Variants in GALK2 observed in about 807,000 individuals in gnomAD.
The protein encoded by GALK2 is galactokinase 2, also known as N-acetylgalactosamine kinase.
A neutral mutation model predicts 52.4 loss-of-function variants in GALK2; 36 were observed. That is an observed-to-expected ratio of 0.69 (90% CI 0.53 to 0.91). The LOEUF (loss-of-function observed/expected upper bound fraction) is 0.91. Among genes scored for constraint, GALK2 ranks in the 40% least tolerant of loss-of-function variants. GALK2 has a pLI of 0.00. For missense variants in GALK2, 579 were observed against 559.1 expected (o/e 1.04, Z -0.36); for synonymous variants, 176 against 199.1 (o/e 0.88, Z 0.98).
At position 49,329,264 on chromosome 15, in the gene GALK2, T is replaced by A; in HGVS notation, c.*1105T>A. 1 of 985,454 alleles carries A rather than the reference T, an allele frequency of 1.0e-6. No homozygotes were observed. Among genetic ancestry groups the A allele is most frequent in the Non-Finnish European group, 1.2e-6 (1 of 829,960 alleles). The allele number at this position is 985,454 out of a possible 1,614,324, so 61.0% of individuals were successfully genotyped here. ...GTATATCAAGAGTGGGCAGAAATGT[T>A]TGGCTGGTGATGGCAAATGACTGGC... On this transcript the variant is annotated 3_prime_UTR_variant, in exon 10 of 10. Coordinates refer to ENST00000560031, the MANE Select transcript of GALK2 (RefSeq NM_002044.4).
intron 8 of GALK2, among the ~76,000 whole-genome samples, chr15:49,300,090 A>G (rs566856690): frequency 6.6e-6 from 1 of 151,996 alleles, no homozygotes; most frequent in Admixed American, 6.6e-5. Context: ...GTGGGTCTCT[A>G]AGAACTTGGT....
At chr15:49,188,478 A>G (rs529027127) in intron 1 of GALK2, among the ~76,000 whole-genome samples, 3 of 152,356 alleles carry the variant, frequency 2.0e-5, no homozygotes, top group African/African-American at 7.2e-5. Context: ...TCTCCATGCT[A>G]CATGGCCACC....
chr15:49,174,789 T>A (rs2085332299), intron 1 of GALK2, among the ~76,000 whole-genome samples: 1 of 152,208 alleles, frequency 6.6e-6, no homozygotes, highest in African/African-American at 2.4e-5. Context: ...CATTTTATAA[T>A]TTATGCATTG....
intron 3 of GALK2, among the ~76,000 whole-genome samples, chr15:49,230,629 T>A (rs957770615): frequency 2.6e-5 from 4 of 152,222 alleles, no homozygotes; most frequent in Non-Finnish European, 5.9e-5. Context: ...TTTTTGATGC[T>A]ACTCTTATTA....
intron 9 of GALK2, among the ~76,000 whole-genome samples, chr15:49,322,960 TA>T (rs548865053): frequency 2.5e-3 from 170 of 68,134 alleles, no homozygotes; most frequent in East Asian, 7.6e-3. Context: ...CCATCTCAGG[TA>T]AAAAAAAAAA....
At chr15:49,352,330 C>G (rs2042372411) in intron 3 of GALK2, among the ~76,000 whole-genome samples, 1 of 152,200 alleles carries the variant, frequency 6.6e-6, no homozygotes, top group Non-Finnish European at 1.5e-5. Flanking sequence ...GATGCTATCT[C>G]TTGATGGAAG....
At chr15:49,352,816 G>A (rs1052418294) in intron 3 of GALK2, among the ~76,000 whole-genome samples, 1 of 152,036 alleles carries the variant, frequency 6.6e-6, no homozygotes, top group African/African-American at 2.4e-5. Context: ...TCCCTATCTT[G>A]CAAAGCCTGC....
chr15:49,168,128 T>A (rs2141162037), upstream of GALK2, among the ~76,000 whole-genome samples: 1 of 152,340 alleles, frequency 6.6e-6, no homozygotes, highest in South Asian at 2.1e-4. Flanking sequence ...AAAGGATGCT[T>A]TACTAATTGC....
chr15:49,299,755 CTTTCTTTCTTTCTTT>C (rs2034885360), intron 8 of GALK2, among the ~76,000 whole-genome samples: 1 of 124,604 alleles, frequency 8.0e-6, no homozygotes, highest in African/African-American at 3.2e-5. Flanking sequence ...TTCTTTCTTT[CTTTCTTTCTTTCTTT>C]CTTTCTTTCT....
In GALK2 at chr15:49,299,482, TATTA is replaced by T. The variant is rs1300683458; in HGVS notation, c.967+6949_967+6952del. 3.9e-5 allele frequency among the ~76,000 whole-genome samples: 6 copies of T among 152,152 alleles called. No homozygotes were observed. In the South Asian group the frequency reaches 6.2e-4, roughly 16 times the overall value. On this transcript the variant is annotated intron_variant, in intron 8 of 9. Transcript: ENST00000560031. ...AGTTCCTTTAGGTGTGATGTTTGGT[TATTA>T]ATTTGAGATCTTTCTAATGTTTTGA...
chr15:49,183,649 G>C lies in GALK2; in HGVS notation c.53+13274G>C, dbSNP rs376158228. On this transcript the variant is annotated intron_variant, in intron 1 of 9. Transcript: ENST00000560031. ...ACTTGAGGTCGGGAGTTTGAGACCA[G>C]CCTGACCAACGTGGAGAAACCCTGA... Among the ~76,000 whole-genome samples, 104 of 152,284 alleles carry C rather than the reference G, an allele frequency of 6.8e-4. 1 individual carries two copies. In the South Asian group the frequency reaches 8.7e-3, roughly 13 times the overall value.
chr15:49,263,717 C>T (rs2092237273), intron 5 of GALK2, among the ~76,000 whole-genome samples: 1 of 128,284 alleles, frequency 7.8e-6, no homozygotes, highest in African/African-American at 3.2e-5. Flanking sequence ...CTGGTTGTTC[C>T]TTTCCATGTT....
intron 3 of GALK2, among the ~76,000 whole-genome samples, chr15:49,232,870 C>G (rs531744531): frequency 6.6e-6 from 1 of 152,178 alleles, no homozygotes; most frequent in Non-Finnish European, 1.5e-5. Flanking sequence ...ATTTCATTGT[C>G]CATATCACTA....
At chr15:49,289,128 T>G (rs2033676128) in intron 7 of GALK2, among the ~76,000 whole-genome samples, 1 of 152,236 alleles carries the variant, frequency 6.6e-6, no homozygotes, top group Admixed American at 6.5e-5. Context: ...AAATGTAGTT[T>G]TAATTTAACC....
intron 3 of GALK2, among the ~76,000 whole-genome samples, chr15:49,220,076 T>TA (rs2089680502): frequency 6.6e-6 from 1 of 150,664 alleles, no homozygotes; most frequent in Non-Finnish European, 1.5e-5. Context: ...TTTTTTTTTT[T>TA]TTGAGACAGA....
chr15:49,228,081 T>C (rs1400864784), intron 3 of GALK2, among the ~76,000 whole-genome samples: 4 of 152,190 alleles, frequency 2.6e-5, no homozygotes, highest in Non-Finnish European at 5.9e-5. Flanking sequence ...TGCTGAGAAA[T>C]CCACTGTTGT....
At chr15:49,367,417 T>A in intron 3 of GALK2, 2 of 1,497,588 alleles carry the variant, frequency 1.3e-6, no homozygotes, top group Non-Finnish European at 1.8e-6. Flanking sequence ...TTGAAAGAAA[T>A]TATATTAAAG....
intron 5 of GALK2, among the ~76,000 whole-genome samples, chr15:49,277,973 G>A (rs2032105545): frequency 1.3e-5 from 2 of 151,658 alleles, no homozygotes; most frequent in Non-Finnish European, 2.9e-5. Flanking sequence ...GCTTTAAATC[G>A]GGCATAGGGC....
chr15:49,323,776 T>C (rs1313671223), intron 9 of GALK2, among the ~76,000 whole-genome samples: 1 of 152,158 alleles, frequency 6.6e-6, no homozygotes, highest in Non-Finnish European at 1.5e-5. Context: ...TTGAACCTTT[T>C]CCTGCTCTTC....
Sources: gnomAD v4.1 joint callset for allele counts (sites outside exome capture counted in the v4.1 genomes callset) on GRCh38, gnomAD v4.1.1 for gene constraint, MANE v1.5 for transcripts, NCBI Gene and HGNC (gene_info 2026-07-23, HGNC 2026-07-21) for gene names.